The following KCNH7 variants were observed in gnomAD, a reference collection of about 807,000 sequenced individuals.
KCNH7 encodes the protein potassium voltage-gated channel subfamily H member 7, also known as voltage-gated inwardly rectifying potassium channel KCNH7.
In KCNH7, 49 loss-of-function variants were observed where a neutral mutation model predicts 120.8. That is an observed-to-expected ratio of 0.41 (90% confidence interval 0.32 to 0.51). KCNH7 has a LOEUF of 0.51. Among genes scored for constraint, KCNH7 ranks in the 20% least tolerant of loss-of-function variants. KCNH7 has a pLI of 0.38. For synonymous variants in KCNH7, 547 were observed against 516.1 expected, an observed-to-expected ratio of 1.06 and a Z score of -0.81; for missense variants, 1,097 against 1,446.6, an observed-to-expected ratio of 0.76 and a Z score of 3.92.
chr2:162,444,050 T>C (rs897381078), intron 7 of KCNH7, among the ~76,000 whole-genome samples: 1 of 152,230 alleles, frequency 6.6e-6, no homozygotes, highest in Non-Finnish European at 1.5e-5. Flanking sequence ...CCTTTTGTAA[T>C]TTCCAATTCA....
chr2:162,572,295 A>C (rs1054378231), intron 2 of KCNH7, among the ~76,000 whole-genome samples: 1 of 149,018 alleles, frequency 6.7e-6, no homozygotes, highest in African/African-American at 2.5e-5. Flanking sequence ...CACATGAAAA[A>C]ATGCTCATCA....
In KCNH7 at chr2:162,446,125, T is replaced by G. The variant is rs1434527831; in HGVS notation, c.1447A>C (p.Ser483Arg). 1 of 1,613,852 alleles carries G rather than the reference T, an allele frequency of 6.2e-7. No homozygotes were observed. The change falls in exon 7 of 16, where the codon AGT becomes CGT. Residue 483 changes from serine to arginine, a missense_variant. Physicochemically the swap from Ser to Arg is moderately radical, Grantham distance 110. This residue lies in a region of KCNH7 where 109 missense variants were observed against 196.8 expected (regional missense o/e 0.55). Coordinates refer to ENST00000332142, the MANE Select transcript of KCNH7 (RefSeq NM_033272.4). ...TYVNQNEEVV[S>R]DPAKIAIHYF... ...TGTATTGCTATTTTGGCGGGATCACTTACCACTTCTTCATTCTGATTTACA... is the reference window on the plus strand; with the variant it reads ...TGTATTGCTATTTTGGCGGGATCACGTACCACTTCTTCATTCTGATTTACA...
intron 2 of KCNH7, among the ~76,000 whole-genome samples, chr2:162,549,680 CA>C (rs1692601243): frequency 6.6e-6 from 1 of 152,044 alleles, no homozygotes; most frequent in South Asian, 2.1e-4. Context: ...AAACCATTAG[CA>C]AAGCTGACCT....
intron 2 of KCNH7, among the ~76,000 whole-genome samples, chr2:162,707,309 C>A (rs1574289760): frequency 6.6e-6 from 1 of 152,010 alleles, no homozygotes; most frequent in Admixed American, 6.6e-5. Flanking sequence ...GGATCATTAA[C>A]CTTTAAGATA....
chr2:162,746,893 C>A (rs1470245729), intron 2 of KCNH7, among the ~76,000 whole-genome samples: 1 of 152,064 alleles, frequency 6.6e-6, no homozygotes, highest in Non-Finnish European at 1.5e-5. Flanking sequence ...AGCAGAGATT[C>A]TTTTCTTCCT....
intron 3 of KCNH7, among the ~76,000 whole-genome samples, chr2:162,524,046 C>T (rs140029637): frequency 2.0e-5 from 3 of 151,922 alleles, no homozygotes; most frequent in East Asian, 3.9e-4. Context: ...GAGATCTGTC[C>T]CCTCACAAAG....
intron 2 of KCNH7, among the ~76,000 whole-genome samples, chr2:162,574,968 T>C: frequency 6.6e-6 from 1 of 152,140 alleles, no homozygotes; most frequent in South Asian, 2.1e-4. Flanking sequence ...GTATGAGCTA[T>C]CCTTGGCATA....
intron 2 of KCNH7, among the ~76,000 whole-genome samples, chr2:162,655,807 A>G (rs985251699): frequency 2.6e-5 from 4 of 152,100 alleles, no homozygotes; most frequent in Admixed American, 6.6e-5. Context: ...ACAAAAAACA[A>G]AAAACGAATT....
intron 2 of KCNH7, among the ~76,000 whole-genome samples, chr2:162,613,953 G>T (rs114689489): frequency 2.8e-5 from 4 of 143,184 alleles, no homozygotes; most frequent in African/African-American, 8.1e-5. Flanking sequence ...CAAAGAGAAA[G>T]TTTTTTTTTT....
intron 9 of KCNH7, among the ~76,000 whole-genome samples, chr2:162,407,813 C>T (rs907285431): frequency 6.6e-6 from 1 of 151,994 alleles, no homozygotes; most frequent in South Asian, 2.1e-4. Context: ...TTGTAGATGA[C>T]CTTAGCTTGC....
intron 2 of KCNH7, among the ~76,000 whole-genome samples, chr2:162,647,102 C>T (rs1237026154): frequency 6.6e-6 from 1 of 152,120 alleles, no homozygotes; most frequent in Non-Finnish European, 1.5e-5. Context: ...CATGAGGTTG[C>T]TGGCTCCAAA....
chr2:162,743,995 G>A (rs926419435), intron 2 of KCNH7, among the ~76,000 whole-genome samples: 1 of 152,020 alleles, frequency 6.6e-6, no homozygotes, highest in Admixed American at 6.6e-5. Flanking sequence ...ATATTTTACA[G>A]ACACCAAGGG....
At chr2:162,799,414 C>A (rs1480289610) in intron 2 of KCNH7, among the ~76,000 whole-genome samples, 1 of 151,742 alleles carries the variant, frequency 6.6e-6, no homozygotes, top group East Asian at 1.9e-4. Flanking sequence ...CTTGTGGAAC[C>A]ACATGAAGCA....
chr2:162,394,274 C>A, intron 12 of KCNH7, 115 bp downstream of exon 12: 1 of 685,378 alleles, frequency 1.5e-6, no homozygotes, highest in Non-Finnish European at 2.6e-6. Flanking sequence ...AAGGATCTGC[C>A]CTCCTAAAGC....
At chr2:162,605,559 T>C (rs1682721574) in intron 2 of KCNH7, among the ~76,000 whole-genome samples, 1 of 152,106 alleles carries the variant, frequency 6.6e-6, no homozygotes, top group Non-Finnish European at 1.5e-5. Flanking sequence ...AAAGGAATAC[T>C]GAATGCATTT....
intron 2 of KCNH7, among the ~76,000 whole-genome samples, chr2:162,728,383 G>A (rs576351191): frequency 3.3e-5 from 5 of 152,060 alleles, no homozygotes; most frequent in African/African-American, 9.6e-5. Flanking sequence ...TATATATTTT[G>A]GGTTCAAGTT....
intron 2 of KCNH7, among the ~76,000 whole-genome samples, chr2:162,552,884 G>A (rs1034061614): frequency 6.6e-6 from 1 of 152,158 alleles, no homozygotes; most frequent in Admixed American, 6.5e-5. Flanking sequence ...GAGTCCAGAT[G>A]AGAACCCCTG....
At chr2:162,479,326 A>G (rs894690212) in intron 6 of KCNH7, among the ~76,000 whole-genome samples, 3 of 152,084 alleles carry the variant, frequency 2.0e-5, no homozygotes, top group Non-Finnish European at 2.9e-5. Context: ...TATTTTTGTT[A>G]TAGAAATATC....
chr2:162,488,740 T>C (rs1047606612), intron 6 of KCNH7, among the ~76,000 whole-genome samples: 8 of 152,196 alleles, frequency 5.3e-5, no homozygotes, highest in Non-Finnish European at 8.8e-5. Context: ...GTGTTCTTCC[T>C]TTCTAATAAA....
Sources: allele counts gnomAD v4.1 joint callset (sites outside exome capture counted in the v4.1 genomes callset), GRCh38; gene constraint gnomAD v4.1.1; regional missense constraint gnomAD v4.1.1; transcripts MANE v1.5; gene names NCBI Gene and HGNC (gene_info 2026-07-23, HGNC 2026-07-21).